The following PTPRN2 variants were observed in gnomAD, a reference collection of about 807,000 sequenced individuals.
PTPRN2 encodes receptor-type tyrosine-protein phosphatase N2.
A neutral mutation model predicts 118.8 loss-of-function variants in PTPRN2; 74 were observed. The ratio of observed to expected loss-of-function variants is 0.62; its 90% CI spans 0.52 to 0.76. The LOEUF (loss-of-function observed/expected upper bound fraction) is 0.76. PTPRN2 is among the 30% of genes least tolerant of loss of function. PTPRN2 has a pLI of 0.00. For synonymous variants in PTPRN2, 641 were observed against 608.0 expected (o/e 1.05, Z -0.80); for missense variants, 1,481 against 1,394.4 (o/e 1.06, Z -0.99).
At chr7:158,404,835 CCCAGCTCCCCGGCCT>C (rs1230092499) in intron 2 of PTPRN2, among the ~76,000 whole-genome samples, 103 of 131,528 alleles carry the variant, frequency 7.8e-4, no homozygotes, top group African/African-American at 3.0e-3. Context: ...GCTCCCCGGC[CCCAGCTCCCCGGCCT>C]CCAGCTCCCC....
intron 3 of PTPRN2, among the ~76,000 whole-genome samples, chr7:158,250,482 T>C (rs1796584767): frequency 6.6e-6 from 1 of 152,108 alleles, no homozygotes; most frequent in East Asian, 1.9e-4. Context: ...CATCTGCTCT[T>C]AACCCAGACT....
chr7:158,361,308 CCCCGTG>C (rs1458247104), intron 2 of PTPRN2, among the ~76,000 whole-genome samples: 517 of 47,778 alleles, frequency 0.011, 247 homozygotes, highest in African/African-American at 0.022. Flanking sequence ...AACCCACAGA[CCCCGTG>C]TCCACCCTCA....
rs55913376 is a variant in PTPRN2 at position 158,166,363 on chromosome 7, T to C, written c.910+568A>G. Among the ~76,000 whole-genome samples the C allele has an allele frequency of 2.2e-3, 55 of 24,484 alleles. 3 individuals carry two copies. Among genetic ancestry groups the C allele is most frequent in the East Asian group, 0.011 (5 of 452 alleles). 16.1% of individuals were successfully genotyped at this position (24,484 alleles called of 152,430 possible). A position where few individuals can be genotyped will look rare whatever the true frequency, so the allele number is the denominator to read the frequency against. ...CCTCAGGATCATCTCCTCCTCCCACTGGCCGCCGCGTTCCCTGTCCTCACA... is the reference window on the plus strand; with the variant it reads ...CCTCAGGATCATCTCCTCCTCCCACCGGCCGCCGCGTTCCCTGTCCTCACA... On this transcript the variant is annotated intron_variant, in intron 6 of 22. Transcript: ENST00000389418.
At chr7:158,246,796 CCATGCCGGAATCCGTGGT>C (rs886816032) in intron 3 of PTPRN2, among the ~76,000 whole-genome samples, 1 of 151,940 alleles carries the variant, frequency 6.6e-6, no homozygotes, top group African/African-American at 2.4e-5. Flanking sequence ...CTTCCCATGG[CCATGCCGGAATCCGTGGT>C]CATGCCGGAA....
At chr7:158,316,328 C>T (rs1802319302) in intron 3 of PTPRN2, among the ~76,000 whole-genome samples, 1 of 152,192 alleles carries the variant, frequency 6.6e-6, no homozygotes, top group Admixed American at 6.5e-5. Context: ...AGAAGCGCAG[C>T]AGTGGGCCGG....
At chr7:158,543,871 G>A (rs567039160) in intron 1 of PTPRN2, among the ~76,000 whole-genome samples, 158 of 152,310 alleles carry the variant, frequency 1.0e-3, no homozygotes, top group African/African-American at 3.5e-3. Flanking sequence ...TCAGCCTCCC[G>A]GCTAAGCTGC....
At chr7:158,338,014 C>A (rs1411192218) in intron 2 of PTPRN2, among the ~76,000 whole-genome samples, 16 of 50,240 alleles carry the variant, frequency 3.2e-4, no homozygotes, top group African/African-American at 8.7e-4. Flanking sequence ...TTGGTGACAC[C>A]TGCAGACGTC....
Position 158,526,230 on chromosome 7 carries a change from G to A in PTPRN2, c.113-36445C>T, listed in dbSNP as rs1326230499. The stretch of plus-strand genomic sequence containing the variant: ...CCAGGGCAGGATTCACTTGTGTGGC[G>A]AAGGGGTCACCCCTCGTGCAGGCTC... On this transcript the variant is annotated intron_variant, in intron 1 of 22. Transcript: ENST00000389418. This position sits in a 1 kb window ranked among gnomAD's most constrained non-coding sequence, Gnocchi z 5.2. 1.3e-5 allele frequency among the ~76,000 whole-genome samples: 2 copies of A among 152,296 alleles called. No homozygotes were observed. Among genetic ancestry groups the A allele is most frequent in the East Asian group, 1.9e-4 (1 of 5,166 alleles).
intron 15 of PTPRN2, among the ~76,000 whole-genome samples, chr7:157,606,353 TG>T (rs984381975): frequency 7.3e-5 from 11 of 150,548 alleles, no homozygotes; most frequent in Non-Finnish European, 1.6e-4. Flanking sequence ...AGCGTGGGGG[TG>T]GGGGTGGGGT....
At chr7:157,726,776 A>G (rs560317103) in intron 12 of PTPRN2, among the ~76,000 whole-genome samples, 3 of 152,378 alleles carry the variant, frequency 2.0e-5, no homozygotes, top group African/African-American at 7.2e-5. Flanking sequence ...TAATATCCAG[A>G]ACATGTAGGA....
At chr7:158,089,852 G>T (rs1813923256) in intron 10 of PTPRN2, among the ~76,000 whole-genome samples, 1 of 120,192 alleles carries the variant, frequency 8.3e-6, no homozygotes, top group South Asian at 3.3e-4. Flanking sequence ...ATGAAAGAGG[G>T]AGTCTTCACA....
chr7:158,128,641 G>A (rs904156525), intron 9 of PTPRN2, among the ~76,000 whole-genome samples: 1 of 152,160 alleles, frequency 6.6e-6, no homozygotes, highest in Non-Finnish European at 1.5e-5. Context: ...TCCCTCCAGG[G>A]TGAGCCCATT....
chr7:158,366,452 C>CA (rs1809531734), intron 2 of PTPRN2, among the ~76,000 whole-genome samples: 1 of 151,702 alleles, frequency 6.6e-6, no homozygotes, highest in African/African-American at 2.4e-5. Context: ...CGCACACACA[C>CA]CCACACACCC....
rs79331859 is a variant in PTPRN2 at position 157,589,855 on chromosome 7, G to A, written c.2496+5383C>T. The stretch of plus-strand genomic sequence containing the variant: ...ACGCCAGCCGAGGCCAAGTTTCCTT[G>A]TGACGTCTGGGCTGACAGCGGCGGC... On this transcript the variant is annotated intron_variant, in intron 17 of 22. Coordinates refer to ENST00000389418, the MANE Select transcript of PTPRN2 (RefSeq NM_002847.5). Among the ~76,000 whole-genome samples the A allele has an allele frequency of 6.6e-3, 1,008 of 152,368 alleles. 8 individuals carry two copies. The highest frequency in any genetic ancestry group is 0.017 in the Middle Eastern group (5 of 294).
chr7:157,899,942 C>T (rs923441861), intron 11 of PTPRN2, among the ~76,000 whole-genome samples: 1 of 152,150 alleles, frequency 6.6e-6, no homozygotes, highest in Non-Finnish European at 1.5e-5. Context: ...ATAAGGCCAT[C>T]GGTGCTGCTG....
intron 2 of PTPRN2, among the ~76,000 whole-genome samples, chr7:158,480,505 A>G (rs1299824215): frequency 1.3e-5 from 2 of 152,230 alleles, no homozygotes; most frequent in Non-Finnish European, 2.9e-5. Flanking sequence ...TGAAAGAAAG[A>G]GCCGCACCTC....
chr7:158,471,037 C>T (rs572566955), intron 2 of PTPRN2, among the ~76,000 whole-genome samples: 155 of 152,204 alleles, frequency 1.0e-3, no homozygotes, highest in Non-Finnish European at 1.9e-3. Flanking sequence ...GACAGGGTTT[C>T]ACCATATTTT....
At chr7:157,719,785 G>A (rs1029035127) in intron 12 of PTPRN2, among the ~76,000 whole-genome samples, 4 of 152,228 alleles carry the variant, frequency 2.6e-5, no homozygotes, top group African/African-American at 7.2e-5. Context: ...AGTTGCCCGC[G>A]TACTTTCTTC....
intron 1 of PTPRN2, among the ~76,000 whole-genome samples, chr7:158,551,248 G>A (rs912619670): frequency 9.2e-5 from 14 of 152,254 alleles, no homozygotes; most frequent in Admixed American, 2.0e-4. Context: ...GAGGAGGGCA[G>A]CCGGCTCCCT....
Sources: gnomAD v4.1 joint callset for allele counts (sites outside exome capture counted in the v4.1 genomes callset) on GRCh38, gnomAD v4.1.1 for gene constraint, Gnocchi (gnomAD v3.1) non-coding constraint, MANE v1.5 for transcripts, NCBI Gene and HGNC (gene_info 2026-07-23, HGNC 2026-07-21) for gene names.